The following CRACD variants were observed in gnomAD, a reference collection of about 807,000 sequenced individuals.
CRACD encodes capping protein-inhibiting regulator of actin dynamics.
Under a neutral mutation model 106.8 loss-of-function variants are expected in CRACD, and 56 were observed. That is an observed-to-expected ratio of 0.52 (90% CI 0.42 to 0.66). The LOEUF (loss-of-function observed/expected upper bound fraction) is 0.66, where lower values mean the gene tolerates loss of function less well. CRACD is among the 30% of genes least tolerant of loss of function. CRACD has a pLI of 0.00. For missense variants in CRACD, 1,730 were observed against 1,623.2 expected, an observed-to-expected ratio of 1.07 and a Z score of -1.13; for synonymous variants, 754 against 670.8, an observed-to-expected ratio of 1.12 and a Z score of -1.92.
At chr4:56,185,252 C>T (rs532594564) in intron 2 of CRACD, among the ~76,000 whole-genome samples, 18 of 152,166 alleles carry the variant, frequency 1.2e-4, no homozygotes, top group Admixed American at 3.9e-4. Context: ...CCAGCGCACC[C>T]GGCCTTCAGT....
At chr4:56,162,638 C>G (rs530967035) in intron 1 of CRACD, among the ~76,000 whole-genome samples, 5 of 152,308 alleles carry the variant, frequency 3.3e-5, no homozygotes, top group African/African-American at 9.6e-5. Context: ...TGGAGCCCAC[C>G]TGGTACAACT....
At chr4:56,251,781 T>C (rs1741068526) in intron 2 of CRACD, among the ~76,000 whole-genome samples, 1 of 152,212 alleles carries the variant, frequency 6.6e-6, no homozygotes, top group Admixed American at 6.5e-5. Flanking sequence ...TTGCATACAA[T>C]GCTTTTGCTT....
intron 9 of CRACD, among the ~76,000 whole-genome samples, chr4:56,323,793 ACGCT>A (rs1413465577): frequency 3.3e-5 from 5 of 152,254 alleles, no homozygotes; most frequent in Admixed American, 1.3e-4. Flanking sequence ...AATCCACGAT[ACGCT>A]TACAACAGTG....
At chr4:56,117,017 ATTTTTTT>A (rs751420774) in intron 1 of CRACD, among the ~76,000 whole-genome samples, 6,131 of 96,216 alleles carry the variant, frequency 0.064, 199 homozygotes, top group African/African-American at 0.12. Flanking sequence ...CGAATTTTTA[ATTTTTTT>A]TTTTTTTTTT....
intron 2 of CRACD, among the ~76,000 whole-genome samples, chr4:56,244,410 A>G (rs1376352318): frequency 3.9e-5 from 6 of 152,208 alleles, no homozygotes; most frequent in African/African-American, 1.4e-4. Flanking sequence ...ACATTTAGGA[A>G]AGAACATGAT....
intron 1 of CRACD, among the ~76,000 whole-genome samples, chr4:56,058,882 G>A (rs558539953): frequency 2.0e-5 from 3 of 152,198 alleles, no homozygotes; most frequent in South Asian, 4.2e-4. Flanking sequence ...GGGAACCTCC[G>A]ACACTTCAAT....
chr4:56,310,794 C>CG (rs1165926419), intron 6 of CRACD, 60 bp downstream of exon 6: 2 of 959,966 alleles, frequency 2.1e-6, no homozygotes, highest in Admixed American at 2.2e-5. Context: ...CATCTTCCCC[C>CG]CCCCTTTTTT....
chr4:56,305,927 A>T (rs1480396219), intron 4 of CRACD, among the ~76,000 whole-genome samples: 3 of 152,242 alleles, frequency 2.0e-5, no homozygotes, highest in Non-Finnish European at 4.4e-5. Context: ...TTGAAGTATT[A>T]GAAATACTCT....
intron 2 of CRACD, among the ~76,000 whole-genome samples, chr4:56,216,443 T>A (rs982575489): frequency 2.6e-5 from 4 of 152,204 alleles, no homozygotes; most frequent in African/African-American, 9.7e-5. Flanking sequence ...CAATGATGTG[T>A]ATTGAAGATA....
chr4:56,260,899 A>ATCCC (rs1741661326), intron 2 of CRACD, among the ~76,000 whole-genome samples: 1 of 150,958 alleles, frequency 6.6e-6, no homozygotes, highest in Admixed American at 6.6e-5. Flanking sequence ...CCATCCATCC[A>ATCCC]TCCATCCATC....
intron 2 of CRACD, among the ~76,000 whole-genome samples, chr4:56,213,635 A>C (rs940409169): frequency 1.6e-4 from 25 of 152,324 alleles, no homozygotes; most frequent in African/African-American, 5.5e-4. Flanking sequence ...TAGTAAATGG[A>C]AATGAGGTGC....
At chr4:56,133,627 C>G (rs142762961) in intron 1 of CRACD, among the ~76,000 whole-genome samples, 217 of 152,236 alleles carry the variant, frequency 1.4e-3, no homozygotes, top group Non-Finnish European at 2.6e-3. Context: ...CTTGTCGAAC[C>G]TACAATCTGC....
At chr4:56,227,760 T>G (rs1739384235) in intron 2 of CRACD, among the ~76,000 whole-genome samples, 1 of 152,222 alleles carries the variant, frequency 6.6e-6, no homozygotes, top group Admixed American at 6.5e-5. Flanking sequence ...CACCTGGGTT[T>G]TTGAAATGAG....
intron 2 of CRACD, among the ~76,000 whole-genome samples, chr4:56,243,829 A>G (rs377589379): frequency 3.3e-5 from 5 of 152,156 alleles, no homozygotes; most frequent in Non-Finnish European, 7.4e-5. Context: ...GTTATTGACT[A>G]TAGTCACCCT....
intron 2 of CRACD, among the ~76,000 whole-genome samples, chr4:56,217,853 G>A (rs1016056156): frequency 9.1e-4 from 138 of 152,280 alleles, no homozygotes; most frequent in African/African-American, 3.3e-3. Flanking sequence ...GGGAGCTTAG[G>A]ATTTTATTTT....
chr4:56,299,861 GAA>G (rs1744265893), intron 4 of CRACD, among the ~76,000 whole-genome samples: 2 of 150,778 alleles, frequency 1.3e-5, no homozygotes, highest in African/African-American at 2.4e-5. Flanking sequence ...AAAAAAAAAG[GAA>G]AAGAGAACAA....
chr4:56,231,124 T>C (rs1375992791), intron 2 of CRACD, among the ~76,000 whole-genome samples: 5 of 152,194 alleles, frequency 3.3e-5, no homozygotes, highest in Non-Finnish European at 7.3e-5. Context: ...TTACACTTCT[T>C]CTGATTTATT....
chr4:56,129,221 G>T (rs935508886), intron 1 of CRACD, among the ~76,000 whole-genome samples: 2 of 152,108 alleles, frequency 1.3e-5, no homozygotes, highest in Non-Finnish European at 2.9e-5. Context: ...GACTACAGGC[G>T]CATGCCTGGC....
chr4:56,247,180 C>T (rs1423495040), intron 2 of CRACD, among the ~76,000 whole-genome samples: 1 of 152,098 alleles, frequency 6.6e-6, no homozygotes, highest in Non-Finnish European at 1.5e-5. Flanking sequence ...TGGCATGAGA[C>T]CCTTTGCACA....
Sources: gnomAD v4.1 joint callset for allele counts (sites outside exome capture counted in the v4.1 genomes callset) on GRCh38, gnomAD v4.1.1 for gene constraint, MANE v1.5 for transcripts, NCBI Gene and HGNC (gene_info 2026-07-23, HGNC 2026-07-21) for gene names.